The following COQ4 variants were observed in gnomAD, a reference collection of about 807,000 sequenced individuals.
COQ4 encodes the protein coenzyme Q4, also known as ubiquinone biosynthesis protein COQ4 homolog, mitochondrial.
COQ4 carries 36 observed loss-of-function variants against 30.2 expected under a neutral mutation model. That is an observed-to-expected ratio of 1.19 (90% CI 0.91 to 1.57). The LOEUF (loss-of-function observed/expected upper bound fraction) is 1.57. Among genes scored for constraint, COQ4 ranks in the 40% most tolerant of loss-of-function variants. The pLI is 0.00. For missense variants in COQ4, 369 were observed against 371.9 expected (o/e 0.99, Z 0.07); for synonymous variants, 197 against 161.0 (o/e 1.22, Z -1.69).
At chr9:128,325,715 C>T in intron 3 of COQ4, 64 bp from the exon 4 acceptor site, 1 of 1,286,690 alleles carries the variant, frequency 7.8e-7, no homozygotes, top group Admixed American at 1.7e-5. Flanking sequence ...CCTCAGCTCG[C>T]TGTAGTTGGA....
intron 3 of COQ4, 37 bp from the exon 4 acceptor site, chr9:128,325,742 G>T: frequency 6.5e-7 from 1 of 1,545,342 alleles, no homozygotes; most frequent in Non-Finnish European, 8.9e-7. Context: ...ACCTACCTTT[G>T]CCCACACCCT....
chr9:128,324,724 G>A (rs1832287456), intron 2 of COQ4, among the ~76,000 whole-genome samples: 1 of 152,042 alleles, frequency 6.6e-6, no homozygotes, highest in Admixed American at 6.6e-5. Flanking sequence ...ACTCCAGCCT[G>A]GGCAACAGAG....
rs147390140 is a variant in COQ4, at chr9:128,333,528, C to T, written c.681C>T (p.Arg227=). 73 of 1,602,110 alleles carry T rather than the reference C, an allele frequency of 4.6e-5. 1 individual carries two copies. In the East Asian group the frequency reaches 1.4e-3, roughly 30 times the overall value. The part of the protein sequence containing the change: ...ELIPWAVQNG[R]RAPCVLNLYY... ...TCCCATGGGCCGTTCAGAACGGGCG[C>T]AGAGCCCCATGTGTCCTCAACCTGT... The change falls in exon 7 of 7, where the codon CGC becomes CGT. Residue 227 remains arginine (R), a synonymous_variant. Transcript: ENST00000300452.
chr9:128,330,311 T>G (rs2131231406), intron 4 of COQ4: 1 of 150,602 alleles, frequency 6.6e-6, no homozygotes, highest in East Asian at 2.0e-4. Context: ...AGGAGGAGAT[T>G]GCAGTAAGCC....
At position 128,333,537 on chromosome 9, in the gene COQ4, A is replaced by G; in HGVS notation, c.690A>G (p.Pro230=). The G allele has an allele frequency of 6.2e-7, 1 of 1,607,770 alleles. No individual in the cohort carries two copies. The highest frequency in any genetic ancestry group is 8.5e-7 in the Non-Finnish European group (1 of 1,177,450). The part of the protein sequence containing the change: ...PWAVQNGRRA[P]CVLNLYYERR... Reference sequence around the variant, plus strand: ...CCGTTCAGAACGGGCGCAGAGCCCCATGTGTCCTCAACCTGTACTATGAGC... The same window carrying G: ...CCGTTCAGAACGGGCGCAGAGCCCCGTGTGTCCTCAACCTGTACTATGAGC... The change falls in exon 7 of 7, where the codon CCA becomes CCG. Residue 230 remains proline, a synonymous_variant. Transcript: ENST00000300452.
chr9:128,330,821 A>G (rs1211794991), intron 4 of COQ4: 1 of 150,416 alleles, frequency 6.6e-6, no homozygotes, highest in Non-Finnish European at 1.5e-5. Flanking sequence ...GTATTATTTC[A>G]ACAAGTAATC....
chr9:128,328,418 G>A (rs544169067), intron 4 of COQ4, among the ~76,000 whole-genome samples: 62 of 152,336 alleles, frequency 4.1e-4, no homozygotes, highest in African/African-American at 1.4e-3. Flanking sequence ...GGTCTCCAAA[G>A]GTTGCCCTAG....
intron 4 of COQ4, among the ~76,000 whole-genome samples, chr9:128,329,050 T>C (rs1832365287): frequency 6.6e-6 from 1 of 152,188 alleles, no homozygotes; most frequent in African/African-American, 2.4e-5. Context: ...CTGAGGCTGA[T>C]TTTGGTGAGA....
At chr9:128,329,757 C>A (rs1832376196) in intron 4 of COQ4, among the ~76,000 whole-genome samples, 1 of 152,164 alleles carries the variant, frequency 6.6e-6, no homozygotes, top group Admixed American at 6.5e-5. Flanking sequence ...AAAAGACACC[C>A]TAGGTGCCGG....
intron 4 of COQ4, 158 bp from the exon 5 acceptor site, chr9:128,331,995 C>A: frequency 1.3e-6 from 1 of 773,686 alleles, no homozygotes; most frequent in Non-Finnish European, 2.0e-6. Flanking sequence ...TCCCAAAGTG[C>A]TGGGATTTAC....
In COQ4 at chr9:128,323,122, G is replaced by A. The variant is rs972367669; in HGVS notation, c.177G>A (p.Met59Ile). Residue 59 changes from methionine to isoleucine, a missense_variant, in exon 2 of 7, where the codon ATG becomes ATA. Physicochemically the swap from Met to Ile is conservative, Grantham distance 10. Transcript: ENST00000300452. ...KGLLAAGSAA[M>I]ALYNPYRHDM... is the part of the protein sequence containing the mutation. Reference sequence around the variant, plus strand: ...TGTTGGCCGCCGGCTCCGCGGCGATGGCGCTCTATAACCCCTACCGCCACG... The same window carrying A: ...TGTTGGCCGCCGGCTCCGCGGCGATAGCGCTCTATAACCCCTACCGCCACG... The A allele has an allele frequency of 1.2e-6, 2 of 1,609,698 alleles. No homozygotes were observed. The highest frequency in any genetic ancestry group is 1.7e-6 in the Non-Finnish European group (2 of 1,179,394).
At chr9:128,333,421 G>T in intron 6 of COQ4, 53 bp from the exon 7 acceptor site, 2 of 1,431,502 alleles carry the variant, frequency 1.4e-6, no homozygotes, top group South Asian at 1.5e-5. Context: ...CCGAGCAGTC[G>T]AGTGCCTGGC....
chr9:128,324,907 C>A (rs900871660), intron 2 of COQ4, among the ~76,000 whole-genome samples: 1 of 152,166 alleles, frequency 6.6e-6, no homozygotes, highest in Non-Finnish European at 1.5e-5. Context: ...AAAATCTTTA[C>A]AACGTTGTGC....
At position 128,323,079 on chromosome 9, in the gene COQ4, C is replaced by G. The variant is rs377735694; in HGVS notation, c.134C>G (p.Ser45Cys). The change falls in exon 2 of 7, where the codon TCC becomes TGC. Residue 45 changes from serine (S) to cysteine (C), a missense_variant. By Grantham distance (112) the Ser-to-Cys change is moderately radical. Coordinates refer to ENST00000300452, the MANE Select transcript of COQ4 (RefSeq NM_016035.5). ...CTATACTCGCACCACCTCCCCACCT[C>G]CCCGCTGCAGAAAGGGCTGTTGGCC... Reference protein sequence around the residue: ...GPLYSHHLPTSPLQKGLLAAG... With the variant: ...GPLYSHHLPTCPLQKGLLAAG... 5.0e-6 allele frequency: 8 copies of G among 1,612,164 alleles called. No homozygotes were observed. Among genetic ancestry groups the G allele is most frequent in the East Asian group, 2.2e-5 (1 of 44,866 alleles).
At chr9:128,333,380 T>C in intron 6 of COQ4, 94 bp from the exon 7 acceptor site, 2 of 1,173,610 alleles carry the variant, frequency 1.7e-6, no homozygotes, top group Non-Finnish European at 2.3e-6. Context: ...CCGAGGCCTT[T>C]GTGAGGATGA....
intron 4 of COQ4, among the ~76,000 whole-genome samples, chr9:128,326,965 C>T (rs1007103702): frequency 1.3e-5 from 2 of 151,694 alleles, no homozygotes; most frequent in African/African-American, 2.4e-5. Flanking sequence ...CCAGGCTGGT[C>T]TTGAACTCCT....
Position 128,323,075 on chromosome 9 carries a change from A to T in COQ4, c.130A>T (p.Thr44Ser). The change falls in exon 2 of 7, where the codon ACC becomes TCC. Residue 44 changes from threonine to serine, a missense_variant. By Grantham distance (58) the Thr-to-Ser change is moderately conservative. Transcript: ENST00000300452. The stretch of plus-strand genomic sequence containing the variant: ...CCCGCTATACTCGCACCACCTCCCC[A>T]CCTCCCCGCTGCAGAAAGGGCTGTT... ...AGPLYSHHLP[T>S]SPLQKGLLAA... is the part of the protein sequence containing the mutation. The T allele has an allele frequency of 1.9e-6, 3 of 1,611,174 alleles. No individual in the cohort carries two copies. The highest frequency in any genetic ancestry group is 2.2e-5 in the East Asian group (1 of 44,752).
At chr9:128,327,213 C>T (rs765040240) in intron 4 of COQ4, among the ~76,000 whole-genome samples, 8 of 151,940 alleles carry the variant, frequency 5.3e-5, no homozygotes, top group Non-Finnish European at 8.8e-5. Context: ...GGGAGGCTGG[C>T]GGGAGGACCA....
chr9:128,330,969 C>T (rs995287989), intron 4 of COQ4: 1 of 151,988 alleles, frequency 6.6e-6, no homozygotes, highest in African/African-American at 2.4e-5. Flanking sequence ...TCCCGAGTAG[C>T]TGGGACTACA....
Sources: allele counts gnomAD v4.1 joint callset (sites outside exome capture counted in the v4.1 genomes callset), GRCh38; gene constraint gnomAD v4.1.1; transcripts MANE v1.5; gene names NCBI Gene and HGNC (gene_info 2026-07-23, HGNC 2026-07-21).